The following ZFAND3 variants were observed in gnomAD, a reference collection of about 807,000 sequenced individuals.
ZFAND3 encodes the protein AN1-type zinc finger protein 3.
ZFAND3 carries 10 observed loss-of-function variants against 29.6 expected under a neutral mutation model. The observed-to-expected ratio is 0.34, with a 90% CI of 0.21 to 0.57. The LOEUF (loss-of-function observed/expected upper bound fraction) is 0.57, where lower values mean the gene tolerates loss of function less well. Ranked by LOEUF, ZFAND3 falls within the 20% of genes least tolerant of loss-of-function variation. The pLI is 0.86. For synonymous variants in ZFAND3, 128 were observed against 112.6 expected (o/e 1.14, Z -0.87); for missense variants, 230 against 304.5 (o/e 0.76, Z 1.82).
chr6:38,039,200 C>G (rs536221354), intron 2 of ZFAND3, among the ~76,000 whole-genome samples: 1 of 152,154 alleles, frequency 6.6e-6, no homozygotes, highest in East Asian at 1.9e-4. Flanking sequence ...TGTCTTATTC[C>G]TCTTAAAATC....
At chr6:37,829,704 C>T (rs528809278) in intron 1 of ZFAND3, among the ~76,000 whole-genome samples, 1 of 152,290 alleles carries the variant, frequency 6.6e-6, no homozygotes, top group Admixed American at 6.5e-5. Flanking sequence ...TCACTGTTAA[C>T]TAGCTCACCC....
chr6:38,099,242 G>T (rs1262259270), intron 4 of ZFAND3, among the ~76,000 whole-genome samples: 1 of 152,122 alleles, frequency 6.6e-6, no homozygotes. Context: ...AAATTCACTG[G>T]TTTATGATTA....
intron 1 of ZFAND3, among the ~76,000 whole-genome samples, chr6:37,855,075 T>C (rs766470071): frequency 1.3e-5 from 2 of 148,630 alleles, no homozygotes; most frequent in Non-Finnish European, 3.0e-5. Context: ...CCCTCTGATA[T>C]CAACAAATCT....
intron 1 of ZFAND3, among the ~76,000 whole-genome samples, chr6:37,842,887 C>T (rs554629398): frequency 1.6e-4 from 23 of 148,176 alleles, no homozygotes; most frequent in Admixed American, 2.7e-4. Flanking sequence ...ATTGGGAGGC[C>T]GAGGTGGGTG....
At chr6:38,077,002 T>C (rs1171623963) in intron 3 of ZFAND3, among the ~76,000 whole-genome samples, 1 of 152,228 alleles carries the variant, frequency 6.6e-6, no homozygotes, top group Non-Finnish European at 1.5e-5. Context: ...TCAAGAAATG[T>C]AGATTGTTTG....
Position 38,153,373 on chromosome 6 carries a change from C to G in ZFAND3, c.*984C>G. 1.0e-6 allele frequency: 1 copy of G among 985,520 alleles called. No individual in the cohort carries two copies. Among genetic ancestry groups the G allele is most frequent in the Non-Finnish European group, 1.2e-6 (1 of 829,968 alleles). The allele number at this position is 985,520 out of a possible 1,614,324, so 61.0% of individuals were successfully genotyped here. On this transcript the variant is annotated 3_prime_UTR_variant, in exon 6 of 6. Coordinates refer to ENST00000287218, the MANE Select transcript of ZFAND3 (RefSeq NM_021943.3). ...CTCTGCCCCTTCCAGCTGGAGCCGC[C>G]CGTGCCTCCAGGGGCCAAGAGGATG...
chr6:38,055,627 T>C (rs1210250088), intron 2 of ZFAND3, among the ~76,000 whole-genome samples: 1 of 152,212 alleles, frequency 6.6e-6, no homozygotes, highest in Non-Finnish European at 1.5e-5. Flanking sequence ...TACCCAACTT[T>C]AGTGTCTACA....
At position 37,985,529 on chromosome 6, in the gene ZFAND3, C is replaced by CACACACACACACACACACA. The variant is rs33984396; in HGVS notation, c.112+55530_112+55531insACACACACACACACACACA. On this transcript the variant is annotated intron_variant, in intron 2 of 5. Coordinates refer to ENST00000287218, the MANE Select transcript of ZFAND3 (RefSeq NM_021943.3). Reference sequence around the variant, plus strand: ...CACACACACACACACACACACACACCCCCACACACGCCTGGTGGCACGTGC... The same window carrying CACACACACACACACACACA: ...CACACACACACACACACACACACACCACACACACACACACACACACCCACACACGCCTGGTGGCACGTGC... Among the ~76,000 whole-genome samples the CACACACACACACACACACA allele has an allele frequency of 5.5e-4, 49 of 89,756 alleles. 1 individual carries two copies. The highest frequency in any genetic ancestry group is 1.7e-3 in the African/African-American group (46 of 27,462). The allele number at this position is 89,756 out of a possible 152,430, so 58.9% of individuals were successfully genotyped here. A position where few individuals can be genotyped will look rare whatever the true frequency, so the allele number is the denominator to read the frequency against.
chr6:38,129,488 T>C lies in ZFAND3; in HGVS notation c.529+12749T>C, dbSNP rs933044521. On this transcript the variant is annotated intron_variant, in intron 5 of 5. Coordinates refer to ENST00000287218, the MANE Select transcript of ZFAND3 (RefSeq NM_021943.3). The stretch of plus-strand genomic sequence containing the variant: ...ATTTAAGTCTTTAACCCATCTTGAG[T>C]TGATTTTTGTATAAGGTGAGAGATG... Among the ~76,000 whole-genome samples, 11 of 152,334 alleles carry C rather than the reference T, an allele frequency of 7.2e-5. 1 individual carries two copies. The highest frequency in any genetic ancestry group is 3.3e-4 in the Admixed American group (5 of 15,300).
At chr6:38,146,403 T>C (rs1766109218) in intron 5 of ZFAND3, among the ~76,000 whole-genome samples, 1 of 151,880 alleles carries the variant, frequency 6.6e-6, no homozygotes, top group Non-Finnish European at 1.5e-5. Context: ...GAAAGTGGAG[T>C]CATGGAGCAC....
At chr6:38,129,520 C>T (rs952883774) in intron 5 of ZFAND3, among the ~76,000 whole-genome samples, 2 of 152,120 alleles carry the variant, frequency 1.3e-5, no homozygotes, top group African/African-American at 2.4e-5. Flanking sequence ...GATGGGGATC[C>T]AGTTTCATTC....
rs73417981 is a variant in ZFAND3 at position 38,024,959 on chromosome 6, T to G, written c.113-36634T>G. 1.4e-3 allele frequency among the ~76,000 whole-genome samples: 218 copies of G among 152,374 alleles called. 1 individual carries two copies. Among genetic ancestry groups the G allele is most frequent in the African/African-American group, 4.4e-3 (181 of 41,588 alleles). ...CTTTAAAATGGTTTATTTTATGTTCTGTGAATTTCACTAAAGTAGAAAATA... is the reference window on the plus strand; with the variant it reads ...CTTTAAAATGGTTTATTTTATGTTCGGTGAATTTCACTAAAGTAGAAAATA... On this transcript the variant is annotated intron_variant, in intron 2 of 5. Transcript: ENST00000287218.
intron 1 of ZFAND3, among the ~76,000 whole-genome samples, chr6:37,917,360 A>G (rs1237191093): frequency 9.2e-5 from 14 of 152,218 alleles, no homozygotes; most frequent in Admixed American, 9.2e-4. Context: ...TTCCCAAGTC[A>G]TTGCTCTTAA....
At chr6:37,909,773 A>C (rs1365375853) in intron 1 of ZFAND3, among the ~76,000 whole-genome samples, 1 of 151,952 alleles carries the variant, frequency 6.6e-6, no homozygotes, top group Non-Finnish European at 1.5e-5. Context: ...AAATACTTCC[A>C]TTTCTTTTCC....
chr6:38,128,466 G>A (rs1765678596), intron 5 of ZFAND3, among the ~76,000 whole-genome samples: 1 of 152,136 alleles, frequency 6.6e-6, no homozygotes, highest in African/African-American at 2.4e-5. Context: ...TATTTGTAGT[G>A]TTTTATCCCT....
At chr6:37,919,078 C>T (rs778698701) in intron 1 of ZFAND3, among the ~76,000 whole-genome samples, 1 of 151,386 alleles carries the variant, frequency 6.6e-6, no homozygotes, top group South Asian at 2.1e-4. Flanking sequence ...CTCAGCCTCC[C>T]GAGTAGCTGG....
In ZFAND3 at chr6:37,819,854, C is replaced by CCCGACG; in HGVS notation, c.-88_-83dup. ...TTCCCCCTCCCCCCGCCCCGAGCCC[C>CCCGACG]CCGACGCCGCCGCCACCGCCTCCTC... On this transcript the variant is annotated 5_prime_UTR_variant, in exon 1 of 6. Transcript: ENST00000287218. The CCCGACG allele has an allele frequency of 1.5e-5, 15 of 979,548 alleles. No individual in the cohort carries two copies. The highest frequency in any genetic ancestry group is 1.9e-5 in the Non-Finnish European group (15 of 788,614). 60.7% of individuals were successfully genotyped at this position (979,548 alleles called of 1,614,324 possible).
At chr6:37,952,524 T>A (rs1762016097) in intron 2 of ZFAND3, among the ~76,000 whole-genome samples, 1 of 152,188 alleles carries the variant, frequency 6.6e-6, no homozygotes, top group Non-Finnish European at 1.5e-5. Context: ...GATAATTTTT[T>A]TTTAAATTTC....
At chr6:38,085,948 T>G (rs962608282) in intron 4 of ZFAND3, among the ~76,000 whole-genome samples, 8 of 152,216 alleles carry the variant, frequency 5.3e-5, no homozygotes, top group Non-Finnish European at 1.0e-4. Flanking sequence ...CCTCAGTGAT[T>G]GATTAATCAG....
Sources: allele counts gnomAD v4.1 joint callset (sites outside exome capture counted in the v4.1 genomes callset), GRCh38; gene constraint gnomAD v4.1.1; transcripts MANE v1.5; gene names NCBI Gene and HGNC (gene_info 2026-07-23, HGNC 2026-07-21).